Variants in ITPR2 observed in about 807,000 individuals in gnomAD.
The protein encoded by ITPR2 is inositol 1,4,5-trisphosphate-gated calcium channel ITPR2.
Under a neutral mutation model 317.1 loss-of-function variants are expected in ITPR2, and 207 were observed. The ratio of observed to expected loss-of-function variants is 0.65; its 90% CI spans 0.58 to 0.73. The LOEUF is 0.73. Ranked by LOEUF, ITPR2 falls within the 30% of genes least tolerant of loss-of-function variation. The pLI is 0.00. For missense variants in ITPR2, 2,613 were observed against 3,284.0 expected (o/e 0.80, Z 4.99); for synonymous variants, 1,156 against 1,149.1 (o/e 1.01, Z -0.12).
At chr12:26,622,626 C>T (rs1168518100) in intron 24 of ITPR2, among the ~76,000 whole-genome samples, 5 of 152,146 alleles carry the variant, frequency 3.3e-5, no homozygotes, top group Admixed American at 2.0e-4. Flanking sequence ...TCAAACATCC[C>T]GGTTTATCCA....
intron 55 of ITPR2, among the ~76,000 whole-genome samples, chr12:26,382,889 G>T (rs959807978): frequency 3.3e-5 from 5 of 152,144 alleles, no homozygotes; most frequent in African/African-American, 1.2e-4. Context: ...GTCATCAATA[G>T]ATACAATATT....
chr12:26,817,621 C>T (rs933174411), intron 1 of ITPR2, among the ~76,000 whole-genome samples: 4 of 152,174 alleles, frequency 2.6e-5, no homozygotes, highest in African/African-American at 9.7e-5. Flanking sequence ...ATTTCATTCT[C>T]CTGCTTCAAA....
chr12:26,616,633 A>G (rs1218298427), intron 26 of ITPR2, among the ~76,000 whole-genome samples: 2 of 152,214 alleles, frequency 1.3e-5, no homozygotes, highest in East Asian at 3.8e-4. Flanking sequence ...ACGATAGAGT[A>G]TAGTAGGATA....
chr12:26,556,564 T>TGTGTATG (rs558329274), intron 35 of ITPR2, among the ~76,000 whole-genome samples, 189 bp from the exon 36 acceptor site: 1 of 111,596 alleles, frequency 9.0e-6, no homozygotes, highest in Non-Finnish European at 2.1e-5. Context: ...CTATTTTTTT[T>TGTGTATG]TTTGTGTGTG....
intron 37 of ITPR2, among the ~76,000 whole-genome samples, chr12:26,545,214 T>G (rs896018370): frequency 1.3e-5 from 2 of 152,196 alleles, no homozygotes; most frequent in African/African-American, 4.8e-5. Context: ...TGTAAACATG[T>G]TACCTCACAT....
chr12:26,527,067 G>C lies in ITPR2; in HGVS notation c.5073+23180C>G, dbSNP rs1157737267. ...TGCAAAGTTAACACTCACTTCTAGT[G>C]TCTTAAGCTTTATGAACAATTCCTA... On this transcript the variant is annotated intron_variant, in intron 37 of 56. Coordinates refer to ENST00000381340, the MANE Select transcript of ITPR2 (RefSeq NM_002223.4). Among the ~76,000 whole-genome samples, 3 of 152,162 alleles carry C rather than the reference G, an allele frequency of 2.0e-5. No individual in the cohort carries two copies. In the East Asian group the frequency reaches 5.8e-4, roughly 29 times the overall value.
intron 2 of ITPR2, among the ~76,000 whole-genome samples, chr12:26,770,034 A>G (rs1054742367): frequency 3.9e-5 from 6 of 152,224 alleles, no homozygotes; most frequent in African/African-American, 1.4e-4. Flanking sequence ...CTCTAACCCT[A>G]TAACCTCCAC....
chr12:26,704,172 T>C (rs547683453), intron 9 of ITPR2, among the ~76,000 whole-genome samples: 23 of 152,248 alleles, frequency 1.5e-4, no homozygotes, highest in Admixed American at 5.9e-4. Flanking sequence ...GTATAGACCA[T>C]AAAAAAACTA....
At chr12:26,588,161 G>A (rs1212726053) in intron 32 of ITPR2, among the ~76,000 whole-genome samples, 1 of 152,220 alleles carries the variant, frequency 6.6e-6, no homozygotes, top group East Asian at 1.9e-4. Context: ...CATGTAGACA[G>A]TTGAATATGT....
chr12:26,432,352 T>C (rs1003404815), intron 48 of ITPR2, among the ~76,000 whole-genome samples: 1 of 152,166 alleles, frequency 6.6e-6, no homozygotes, highest in Admixed American at 6.5e-5. Context: ...TTGTCTGAAA[T>C]TTTATCAGTT....
At position 26,578,852 on chromosome 12, in the gene ITPR2, T is replaced by C. The variant is rs775489952; in HGVS notation, c.4510-19A>G. On this transcript the variant is annotated intron_variant, in intron 33 of 56. Transcript: ENST00000381340. ...GATGTGTCTAAAACCAGAAAGAAGG[T>C]AGGCAAAAAGAGATGCTAAACCATT... 3.8e-6 allele frequency: 6 copies of C among 1,591,306 alleles called. No homozygotes were observed. The highest frequency in any genetic ancestry group is 3.4e-6 in the Non-Finnish European group (4 of 1,163,868).
chr12:26,718,518 A>AT (rs57224547), intron 5 of ITPR2, among the ~76,000 whole-genome samples: 1 of 149,538 alleles, frequency 6.7e-6, no homozygotes, highest in African/African-American at 2.5e-5. Flanking sequence ...TATATATATA[A>AT]GGTTTTAAAT....
At chr12:26,664,977 A>C (rs1157399799) in intron 14 of ITPR2, among the ~76,000 whole-genome samples, 1 of 152,202 alleles carries the variant, frequency 6.6e-6, no homozygotes, top group Non-Finnish European at 1.5e-5. Flanking sequence ...TGTTTTAAGT[A>C]TCTTCCTTGA....
chr12:26,777,505 C>T (rs754926934), intron 2 of ITPR2, among the ~76,000 whole-genome samples: 6 of 152,266 alleles, frequency 3.9e-5, no homozygotes, highest in Admixed American at 6.5e-5. Context: ...GTCAGAGGCA[C>T]GGTGGGTGTA....
At chr12:26,515,832 G>A (rs1431323268) in intron 37 of ITPR2, among the ~76,000 whole-genome samples, 5 of 151,922 alleles carry the variant, frequency 3.3e-5, no homozygotes, top group Admixed American at 2.6e-4. Context: ...TAGAGGGCCC[G>A]GGTATGGTGG....
At chr12:26,489,783 G>T (rs1194538796) in intron 39 of ITPR2, among the ~76,000 whole-genome samples, 3 of 152,180 alleles carry the variant, frequency 2.0e-5, no homozygotes, top group African/African-American at 7.2e-5. Context: ...TAAAGGAAGG[G>T]GCTGCAGTTC....
At chr12:26,483,097 A>G (rs1942583284) in intron 42 of ITPR2, among the ~76,000 whole-genome samples, 1 of 152,154 alleles carries the variant, frequency 6.6e-6, no homozygotes, top group Non-Finnish European at 1.5e-5. Flanking sequence ...ATCCCAGAAA[A>G]CAAAATCAGA....
chr12:26,367,936 C>T (rs941236488), intron 55 of ITPR2, among the ~76,000 whole-genome samples: 2 of 152,132 alleles, frequency 1.3e-5, no homozygotes, highest in African/African-American at 4.8e-5. Flanking sequence ...AAATCCAACT[C>T]GAGCCTCGAC....
chr12:26,399,564 C>A (rs1591990472), intron 53 of ITPR2, among the ~76,000 whole-genome samples: 1 of 152,092 alleles, frequency 6.6e-6, no homozygotes, highest in East Asian at 1.9e-4. Context: ...GAAGAGGAAC[C>A]TGAGGTTAAG....
Sources: gnomAD v4.1 joint callset for allele counts (sites outside exome capture counted in the v4.1 genomes callset) on GRCh38, gnomAD v4.1.1 for gene constraint, MANE v1.5 for transcripts, NCBI Gene and HGNC (gene_info 2026-07-23, HGNC 2026-07-21) for gene names.